Variants in WDR72 observed in about 807,000 individuals in gnomAD.
WDR72 encodes WD repeat-containing protein 72.
WDR72 carries 120 observed loss-of-function variants against 124.2 expected under a neutral mutation model. The observed-to-expected ratio is 0.97, with a 90% CI of 0.83 to 1.12. The LOEUF (loss-of-function observed/expected upper bound fraction) is 1.12, where lower values mean the gene tolerates loss of function less well. Among genes scored for constraint, WDR72 ranks in the 50% most tolerant of loss-of-function variants. WDR72 has a pLI of 0.00. For missense variants in WDR72, 1,387 were observed against 1,278.8 expected (o/e 1.08, Z -1.29); for synonymous variants, 452 against 441.7 (o/e 1.02, Z -0.29).
chr15:53,689,348 C>T (rs368980707), intron 13 of WDR72, among the ~76,000 whole-genome samples: 3,817 of 142,864 alleles, frequency 0.027, 239 homozygotes, highest in African/African-American at 0.1. Flanking sequence ...GAATCTACAA[C>T]GAACTCAAAC....
chr15:53,528,531 A>G (rs1892250332), intron 18 of WDR72, among the ~76,000 whole-genome samples: 1 of 152,074 alleles, frequency 6.6e-6, no homozygotes, highest in South Asian at 2.1e-4. Flanking sequence ...TTTTGTGGGT[A>G]GCATTTTCTA....
At chr15:53,714,549 G>T in intron 5 of WDR72, 39 bp from the exon 6 acceptor site, 1 of 1,480,372 alleles carries the variant, frequency 6.8e-7, no homozygotes, top group African/African-American at 1.4e-5. Flanking sequence ...GCTTACCATG[G>T]ATATAATTGG....
At chr15:53,673,948 G>A (rs967521282) in intron 13 of WDR72, among the ~76,000 whole-genome samples, 2 of 151,890 alleles carry the variant, frequency 1.3e-5, no homozygotes, top group African/African-American at 2.4e-5. Context: ...CTGAGATCGC[G>A]CCATTGCACT....
At position 53,598,723 on chromosome 15, in the gene WDR72, ATAG is replaced by A. The variant is rs536589376; in HGVS notation, c.2953-1452_2953-1450del. ...TTAAGGAGTGAAAAAAGGCTAAGGA[ATAG>A]TAGAATATCACTATTGCATACCATG... On this transcript the variant is annotated intron_variant, in intron 17 of 19. Coordinates refer to ENST00000360509, the MANE Select transcript of WDR72 (RefSeq NM_182758.4). 2.2e-4 allele frequency among the ~76,000 whole-genome samples: 34 copies of A among 152,334 alleles called. No individual in the cohort carries two copies. The East Asian group carries it at 6.0e-3, about 27-fold the overall frequency.
At chr15:53,561,329 GC>G (rs2140293972) in intron 18 of WDR72, among the ~76,000 whole-genome samples, 1 of 151,744 alleles carries the variant, frequency 6.6e-6, no homozygotes, top group African/African-American at 2.4e-5. Flanking sequence ...CATATTGAAA[GC>G]TTTTATTCTG....
Position 53,582,404 on chromosome 15 carries a change from T to C in WDR72, c.3148+14675A>G, listed in dbSNP as rs1209417945. Among the ~76,000 whole-genome samples, 3 of 151,926 alleles carry C rather than the reference T, an allele frequency of 2.0e-5. 1 individual carries two copies. The highest frequency in any genetic ancestry group is 4.1e-4 in the South Asian group (2 of 4,822). On this transcript the variant is annotated intron_variant, in intron 18 of 19. Coordinates refer to ENST00000360509, the MANE Select transcript of WDR72 (RefSeq NM_182758.4). ...TATCATGGTGGAATCCTATCCTTCA[T>C]AATGTTTTGGAGAAGGCTGAGGGTG...
chr15:53,629,613 A>G (rs1406395716), intron 14 of WDR72, among the ~76,000 whole-genome samples: 1 of 152,228 alleles, frequency 6.6e-6, no homozygotes, highest in African/African-American at 2.4e-5. Context: ...CACTGAAAAT[A>G]TGCTCCTTCA....
chr15:53,545,353 A>C (rs893927608), intron 18 of WDR72, among the ~76,000 whole-genome samples: 3 of 149,416 alleles, frequency 2.0e-5, no homozygotes, highest in African/African-American at 5.0e-5. Context: ...CTCAGAAATA[A>C]CGCCGCATAT....
intron 2 of WDR72, among the ~76,000 whole-genome samples, chr15:53,725,485 T>C (rs1464351806): frequency 1.3e-5 from 2 of 152,148 alleles, no homozygotes; most frequent in African/African-American, 4.8e-5. Context: ...AAAAGCTGTG[T>C]CCACACAAAA....
intron 14 of WDR72, among the ~76,000 whole-genome samples, chr15:53,664,525 C>T (rs1001179241): frequency 7.2e-5 from 11 of 152,014 alleles, no homozygotes; most frequent in Non-Finnish European, 1.5e-4. Context: ...TTTTGCCTAA[C>T]TATATACATA....
At chr15:53,550,914 A>G (rs776046077) in intron 18 of WDR72, among the ~76,000 whole-genome samples, 1 of 152,216 alleles carries the variant, frequency 6.6e-6, no homozygotes, top group Non-Finnish European at 1.5e-5. Context: ...TAAACACAAA[A>G]GATATAAATG....
chr15:53,761,827 A>AAAACAAAAACAATC (rs1555432472), upstream of WDR72, among the ~76,000 whole-genome samples: 1 of 15,246 alleles, frequency 6.6e-5, no homozygotes, highest in Non-Finnish European at 7.6e-4. Context: ...GTCAAAAACA[A>AAAACAAAAACAATC]AAACAAAAAC....
chr15:53,656,742 T>C (rs909467736), intron 14 of WDR72, among the ~76,000 whole-genome samples: 5 of 152,060 alleles, frequency 3.3e-5, no homozygotes, highest in African/African-American at 1.2e-4. Flanking sequence ...TACCATCCAG[T>C]GCATTAGTCA....
intron 14 of WDR72, among the ~76,000 whole-genome samples, chr15:53,636,067 A>T (rs558083459): frequency 1.3e-5 from 2 of 152,280 alleles, no homozygotes; most frequent in Admixed American, 6.5e-5. Flanking sequence ...GCTTCAGTGC[A>T]TCCACTGATG....
chr15:53,750,612 A>C (rs548710999), intron 1 of WDR72, among the ~76,000 whole-genome samples: 2 of 152,298 alleles, frequency 1.3e-5, no homozygotes, highest in African/African-American at 4.8e-5. Flanking sequence ...GATTCCTCTG[A>C]TATACCTGGA....
In WDR72 at chr15:53,754,817, A is replaced by T. The variant is rs557519282; in HGVS notation, c.-13+4816T>A. Reference sequence around the variant, plus strand: ...CATCAAAGGCTTGCAGCACAAATTCAATTTTATGATGTTAATCTCAGCCTG... The same window carrying T: ...CATCAAAGGCTTGCAGCACAAATTCTATTTTATGATGTTAATCTCAGCCTG... On this transcript the variant is annotated intron_variant, in intron 1 of 19. Transcript: ENST00000360509. Among the ~76,000 whole-genome samples, 16 of 152,224 alleles carry T rather than the reference A, an allele frequency of 1.1e-4. No individual in the cohort carries two copies. In the Middle Eastern group the frequency reaches 0.017, roughly 162 times the overall value.
At chr15:53,713,045 C>T (rs2017591751) in intron 6 of WDR72, among the ~76,000 whole-genome samples, 154 bp from the exon 7 acceptor site, 1 of 151,898 alleles carries the variant, frequency 6.6e-6, no homozygotes, top group East Asian at 1.9e-4. Flanking sequence ...TAAGAAGTTA[C>T]TTGGCAATAG....
intron 13 of WDR72, among the ~76,000 whole-genome samples, chr15:53,678,792 G>A (rs929926809): frequency 6.6e-6 from 1 of 152,134 alleles, no homozygotes; most frequent in Non-Finnish European, 1.5e-5. Flanking sequence ...AAGCATCTGT[G>A]TTGACTTCTG....
rs1330592556 is a variant in WDR72 at position 53,613,713 on chromosome 15, C to G, written c.2825G>C (p.Gly942Ala). The stretch of plus-strand genomic sequence containing the variant: ...GCTTGACATATTTAAAATGTCATTC[C>G]CAGCACCTCTCATCTTATTATGTAT... The part of the protein sequence containing the change: ...ESIHNKMRGA[G>A]NDILNMSSFY... The change falls in exon 16 of 20, where the codon GGG becomes GCG. Residue 942 changes from glycine (G) to alanine (A), a missense_variant. Transcript: ENST00000360509. The G allele has an allele frequency of 6.2e-7, 1 of 1,611,112 alleles. No homozygotes were observed. Among genetic ancestry groups the G allele is most frequent in the South Asian group, 1.1e-5 (1 of 91,028 alleles).
Sources: gnomAD v4.1 joint callset for allele counts (sites outside exome capture counted in the v4.1 genomes callset) on GRCh38, gnomAD v4.1.1 for gene constraint, MANE v1.5 for transcripts, NCBI Gene and HGNC (gene_info 2026-07-23, HGNC 2026-07-21) for gene names.